ATF2: variants seen among roughly 807,000 people sequenced by gnomAD.
The protein encoded by ATF2 is cyclic AMP-dependent transcription factor ATF-2.
ATF2 carries 24 observed loss-of-function variants against 60.6 expected under a neutral mutation model. That is an observed-to-expected ratio of 0.40 (90% confidence interval 0.29 to 0.56). The LOEUF (loss-of-function observed/expected upper bound fraction) is 0.56. Ranked by LOEUF, ATF2 falls within the 20% of genes least tolerant of loss-of-function variation. The pLI is 0.54. For synonymous variants in ATF2, 206 were observed against 215.4 expected (o/e 0.96, Z 0.38); for missense variants, 433 against 607.7 (o/e 0.71, Z 3.02).
chr2:175,136,221 G>A lies in ATF2; in HGVS notation c.32+191C>T, dbSNP rs556781898. Among the ~76,000 whole-genome samples the A allele has an allele frequency of 9.2e-5, 14 of 152,088 alleles. No individual in the cohort carries two copies. In the South Asian group the frequency reaches 2.9e-3, roughly 32 times the overall value. On this transcript the variant is annotated intron_variant, in intron 3 of 13. Coordinates refer to ENST00000264110, the MANE Select transcript of ATF2 (RefSeq NM_001880.4). ...ATGTTTATGTCTGTCATAGCTAAGT[G>A]TACTTAGATGCTTTTAATTTGATTA...
chr2:175,118,567 T>C (rs912765299), intron 5 of ATF2, among the ~76,000 whole-genome samples, 198 bp from the exon 6 acceptor site: 1 of 151,754 alleles, frequency 6.6e-6, no homozygotes, highest in Admixed American at 6.6e-5. Context: ...TTAAGAACTA[T>C]GAAATATGAA....
chr2:175,146,607 CCA>C (rs34562215), intron 2 of ATF2, among the ~76,000 whole-genome samples: 14,570 of 152,186 alleles, frequency 0.096, 771 homozygotes, highest in Middle Eastern at 0.17. Flanking sequence ...TTTCAGTTAC[CCA>C]CAGTCAACAG....
At chr2:175,116,759 A>C (rs1696600484) in intron 7 of ATF2, among the ~76,000 whole-genome samples, 1 of 152,180 alleles carries the variant, frequency 6.6e-6, no homozygotes, top group East Asian at 1.9e-4. Context: ...GCAGCCACGA[A>C]CAATGAAAAA....
intron 10 of ATF2, among the ~76,000 whole-genome samples, chr2:175,101,904 A>C (rs78703264): frequency 0.04 from 6,097 of 152,170 alleles, 396 homozygotes; most frequent in African/African-American, 0.14. Context: ...CTGTCCATTA[A>C]TTTTTCTAAA....
intron 1 of ATF2, among the ~76,000 whole-genome samples, chr2:175,157,035 A>C (rs1450077455): frequency 6.6e-6 from 1 of 152,210 alleles, no homozygotes. Flanking sequence ...CATTTGTATA[A>C]AAATTCACAT....
At chr2:175,094,118 C>T (rs1222486220) in intron 11 of ATF2, among the ~76,000 whole-genome samples, 1 of 152,016 alleles carries the variant, frequency 6.6e-6, no homozygotes, top group Non-Finnish European at 1.5e-5. Context: ...CTTGGCCGGG[C>T]GTGGTGGCTC....
chr2:175,109,737 AAT>A (rs1318072946), intron 10 of ATF2, among the ~76,000 whole-genome samples: 1 of 152,168 alleles, frequency 6.6e-6, no homozygotes, highest in Non-Finnish European at 1.5e-5. Flanking sequence ...TGGTAAATTA[AAT>A]TGAATTTTTC....
chr2:175,153,131 A>T (rs1021179096), intron 1 of ATF2, among the ~76,000 whole-genome samples: 1 of 152,218 alleles, frequency 6.6e-6, no homozygotes, highest in Non-Finnish European at 1.5e-5. Context: ...AGCCAGTTGT[A>T]ACTGGCCTGT....
chr2:175,102,411 G>T (rs906908660), intron 10 of ATF2, among the ~76,000 whole-genome samples: 2 of 152,092 alleles, frequency 1.3e-5, no homozygotes, highest in African/African-American at 2.4e-5. Context: ...TCTCTCAATA[G>T]ACAAATTTAA....
intron 2 of ATF2, among the ~76,000 whole-genome samples, chr2:175,142,720 A>AGAGAGAGAGAGAGAGTGT (rs1491359659): frequency 1.4e-5 from 1 of 71,098 alleles, no homozygotes; most frequent in African/African-American, 4.7e-5. Flanking sequence ...AGAGAGAGAG[A>AGAGAGAGAGAGAGAGTGT]GTGTGTGTGT....
intron 3 of ATF2, among the ~76,000 whole-genome samples, chr2:175,130,775 G>T (rs530231894): frequency 6.6e-6 from 1 of 152,226 alleles, no homozygotes; most frequent in East Asian, 1.9e-4. Flanking sequence ...ATGGATCCCA[G>T]CCTCAGGGAA....
rs1221759035 is a variant in ATF2, at chr2:175,122,999, AT to A, written c.103-1460del. 8.1e-4 allele frequency among the ~76,000 whole-genome samples: 123 copies of A among 152,178 alleles called. 1 individual carries two copies. Among genetic ancestry groups the A allele is most frequent in the Non-Finnish European group, 2.1e-4 (14 of 67,952 alleles). ...TAACCTCTCTTCAGAACCTGCCTGT[AT>A]TACCACTGAAGGAGAGTGTTCAGAT... is the stretch of plus-strand genomic sequence containing the variant. On this transcript the variant is annotated intron_variant, in intron 4 of 13. Transcript: ENST00000264110.
At chr2:175,085,037 C>T (rs1694055043) in intron 12 of ATF2, among the ~76,000 whole-genome samples, 1 of 152,182 alleles carries the variant, frequency 6.6e-6, no homozygotes, top group Non-Finnish European at 1.5e-5. Context: ...CTCACCAATA[C>T]AGCTACACTG....
At chr2:175,097,340 T>C (rs1694998393) in intron 11 of ATF2, 104 bp downstream of exon 11, 1 of 1,459,206 alleles carries the variant, frequency 6.9e-7, no homozygotes, top group Non-Finnish European at 9.2e-7. Flanking sequence ...ATCTTTGGAA[T>C]AACAACATGA....
At chr2:175,116,716 C>G (rs1309816386) in intron 7 of ATF2, among the ~76,000 whole-genome samples, 2 of 151,010 alleles carry the variant, frequency 1.3e-5, no homozygotes, top group Non-Finnish European at 3.0e-5. Flanking sequence ...TTGGGGAATG[C>G]AGAAAGAAGG....
At chr2:175,114,357 A>C in intron 8 of ATF2, 1 of 1,259,134 alleles carries the variant, frequency 7.9e-7, no homozygotes, top group Admixed American at 3.9e-5. Context: ...AAATGAGAAA[A>C]ACTGTCATCA....
chr2:175,137,716 TCTC>T (rs1698236058), intron 2 of ATF2, among the ~76,000 whole-genome samples: 1 of 152,002 alleles, frequency 6.6e-6, no homozygotes, highest in African/African-American at 2.4e-5. Context: ...TTGGTACCCT[TCTC>T]CTTAATCTTT....
At chr2:175,091,212 C>A (rs186047182) in intron 12 of ATF2, among the ~76,000 whole-genome samples, 1 of 151,964 alleles carries the variant, frequency 6.6e-6, no homozygotes, top group Non-Finnish European at 1.5e-5. Flanking sequence ...ATTTTCTGTA[C>A]GAAGAAACCC....
rs1421217838 is a variant in ATF2 at position 175,113,997 on chromosome 2, G to C, written c.738C>G (p.Val246=). The C allele has an allele frequency of 6.2e-7, 1 of 1,603,532 alleles. No individual in the cohort carries two copies. The change falls in exon 9 of 14, where the codon GTC becomes GTG. Residue 246 remains valine (V), a synonymous_variant. Coordinates refer to ENST00000264110, the MANE Select transcript of ATF2 (RefSeq NM_001880.4). Reference sequence around the variant, plus strand: ...TTAAATAGTCTAACTTTCTTACTGGGACTGCAGCTGGAACATGCACATTAG... The same window carrying C: ...TTAAATAGTCTAACTTTCTTACTGGCACTGCAGCTGGAACATGCACATTAG... The part of the protein sequence containing the change: ...TSSNVHVPAA[V]PLVRPVTMVP...
Sources: allele counts gnomAD v4.1 joint callset (sites outside exome capture counted in the v4.1 genomes callset), GRCh38; gene constraint gnomAD v4.1.1; transcripts MANE v1.5; gene names NCBI Gene and HGNC (gene_info 2026-07-23, HGNC 2026-07-21).